KLB: variants seen among roughly 807,000 people sequenced by gnomAD.
KLB encodes beta-klotho.
A neutral mutation model predicts 88.4 loss-of-function variants in KLB; 44 were observed. The observed-to-expected ratio is 0.50, with a 90% CI of 0.39 to 0.64. The LOEUF (loss-of-function observed/expected upper bound fraction) is 0.64. KLB is among the 30% of genes least tolerant of loss of function. The pLI is 0.00. For missense variants in KLB, 1,137 were observed against 1,304.8 expected (o/e 0.87, Z 1.98); for synonymous variants, 548 against 513.4 (o/e 1.07, Z -0.91).
chr4:39,445,983 G>T (rs1457314431), intron 3 of KLB, among the ~76,000 whole-genome samples: 1 of 122,658 alleles, frequency 8.2e-6, no homozygotes, highest in Non-Finnish European at 1.9e-5. Flanking sequence ...TCAATTTATG[G>T]CAGGGTTTAG....
Position 39,448,447 on chromosome 4 carries a change from G to C in KLB, c.2896G>C (p.Gly966Arg). ...QFYNKVISSR[G>R]FPFENSSSRC... The stretch of plus-strand genomic sequence containing the variant: ...TTACAACAAAGTGATCAGCAGCAGG[G>C]GCTTCCCTTTTGAGAACAGTAGTTC... The change falls in exon 5 of 5, where the codon GGC (glycine) becomes CGC (arginine). Residue 966 changes from glycine (G) to arginine (R), a missense_variant. Gly to Arg is a moderately radical substitution (Grantham distance 125). Around this residue, in one of 4 missense-constraint regions of KLB, gnomAD observed 426 missense variants for 404.6 expected, o/e 1.05. Transcript: ENST00000257408. 1.9e-6 allele frequency: 3 copies of C among 1,614,076 alleles called. No homozygotes were observed. The highest frequency in any genetic ancestry group is 2.5e-6 in the Non-Finnish European group (3 of 1,180,018).
chr4:39,419,709 G>A (rs1743036793), intron 1 of KLB, among the ~76,000 whole-genome samples: 1 of 151,446 alleles, frequency 6.6e-6, no homozygotes, highest in African/African-American at 2.4e-5. Flanking sequence ...CCAGAAGGCG[G>A]AGGTTGCAGT....
In KLB at chr4:39,446,159, A is replaced by G. The variant is rs2608824; in HGVS notation, c.1606-173A>G. On this transcript the variant is annotated intron_variant, in intron 3 of 4. Coordinates refer to ENST00000257408, the MANE Select transcript of KLB (RefSeq NM_175737.4). The surrounding 1 kb of genome is among the most constrained non-coding windows in gnomAD (Gnocchi z 6.4). ...CAAACAACTTGTTTTCCAAGCCAGG[A>G]CCTGGGTGTGGCTCCTTCTCTGTTT... Among the ~76,000 whole-genome samples the G allele has an allele frequency of 0.66, 100,877 of 152,014 alleles. 33,889 individuals carry two copies. Among genetic ancestry groups the G allele is most frequent in the South Asian group, 0.77 (3,703 of 4,824 alleles).
chr4:39,451,191 T>G lies in KLB; in HGVS notation c.*2505T>G. 1 of 152,234 alleles carries G rather than the reference T, an allele frequency of 6.6e-6. No individual in the cohort carries two copies. The highest frequency in any genetic ancestry group is 1.9e-4 in the East Asian group (1 of 5,204). 9.4% of individuals were successfully genotyped at this position (152,234 alleles called of 1,614,324 possible). On this transcript the variant is annotated 3_prime_UTR_variant, in exon 5 of 5. Coordinates refer to ENST00000257408, the MANE Select transcript of KLB (RefSeq NM_175737.4). The stretch of plus-strand genomic sequence containing the variant: ...CTTAAATTTTTTAACCACTGGCAAA[T>G]ATGTACAGCAAATTAGGTTAAGCAT...
chr4:39,448,902 C>T lies in KLB; in HGVS notation c.*216C>T. On this transcript the variant is annotated 3_prime_UTR_variant, in exon 5 of 5. Transcript: ENST00000257408. ...TGGATGTAAACATAAAGGCTTCATC[C>T]TGACAGTAAGCTATGAGGATTACAT... 1.9e-6 allele frequency: 1 copy of T among 524,924 alleles called. No individual in the cohort carries two copies. The highest frequency in any genetic ancestry group is 2.9e-5 in the South Asian group (1 of 34,234). The allele number at this position is 524,924 out of a possible 1,614,324, so 32.5% of individuals were successfully genotyped here.
Position 39,445,193 on chromosome 4 carries a change from G to A in KLB, c.1606-1139G>A, listed in dbSNP as rs184566972. On this transcript the variant is annotated intron_variant, in intron 3 of 4. Coordinates refer to ENST00000257408, the MANE Select transcript of KLB (RefSeq NM_175737.4). Reference sequence around the variant, plus strand: ...AGAGTTCCCAGAGCACCTTCCCAGAGTCACTGAGTCCTCACAGCACACCTG... The same window carrying A: ...AGAGTTCCCAGAGCACCTTCCCAGAATCACTGAGTCCTCACAGCACACCTG... 2.6e-3 allele frequency among the ~76,000 whole-genome samples: 403 copies of A among 152,252 alleles called. 2 individuals carry two copies. Among genetic ancestry groups the A allele is most frequent in the Admixed American group, 6.9e-3 (106 of 15,298 alleles).
intron 1 of KLB, among the ~76,000 whole-genome samples, chr4:39,419,969 T>A (rs1743046336): frequency 1.4e-5 from 2 of 147,714 alleles, no homozygotes; most frequent in Admixed American, 6.7e-5. Context: ...AAAAAGGCTA[T>A]TTTAAAAAGA....
At chr4:39,422,158 G>T (rs1213965522) in intron 1 of KLB, among the ~76,000 whole-genome samples, 1 of 152,198 alleles carries the variant, frequency 6.6e-6, no homozygotes, top group East Asian at 1.9e-4. Context: ...TCGGGTCTAC[G>T]GTGTAAAAGT....
At chr4:39,407,800 T>C (rs1180281115) in intron 1 of KLB, 26 bp downstream of exon 1, 1 of 1,303,384 alleles carries the variant, frequency 7.7e-7, no homozygotes, top group South Asian at 1.9e-5. Context: ...CTTCTTCTTA[T>C]AGCTTCAGAA....
chr4:39,447,147 C>T lies in KLB; in HGVS notation c.2421C>T (p.Thr807=). 1.9e-6 allele frequency: 3 copies of T among 1,613,712 alleles called. No homozygotes were observed. Among genetic ancestry groups the T allele is most frequent in the Non-Finnish European group, 1.7e-6 (2 of 1,180,034 alleles). The change falls in exon 4 of 5, where the codon ACC becomes ACT. Residue 807 remains threonine (T), a synonymous_variant. Transcript: ENST00000257408. The stretch of plus-strand genomic sequence containing the variant: ...CCAGCTCGGCCCTGCCGCGCCTCAC[C>T]GAGGCCGAAAGGAGGCTGCTCAAGG... ...GLSSSALPRL[T]EAERRLLKGT...
chr4:39,417,987 T>C (rs186154913), intron 1 of KLB, among the ~76,000 whole-genome samples: 80 of 152,338 alleles, frequency 5.3e-4, no homozygotes, highest in African/African-American at 1.8e-3. Context: ...AAAAAAAATT[T>C]ACAGCTTCAA....
At chr4:39,410,461 AAAT>A (rs1277758285) in intron 1 of KLB, among the ~76,000 whole-genome samples, 1 of 152,196 alleles carries the variant, frequency 6.6e-6, no homozygotes, top group Non-Finnish European at 1.5e-5. Flanking sequence ...TCACTAGACT[AAAT>A]AAATGGTGTG....
intron 3 of KLB, among the ~76,000 whole-genome samples, chr4:39,445,478 T>A (rs1361611948): frequency 7.3e-5 from 11 of 151,514 alleles, no homozygotes; most frequent in Admixed American, 7.2e-4. Flanking sequence ...TGGATGCAAA[T>A]GTGTTATCAC....
intron 1 of KLB, among the ~76,000 whole-genome samples, chr4:39,417,231 G>T (rs181262392): frequency 7.2e-5 from 11 of 151,878 alleles, no homozygotes; most frequent in Admixed American, 6.6e-4. Flanking sequence ...AAAGAAAGAG[G>T]GTTAAAACAA....
rs1195208365 is a variant in KLB at position 39,407,775 on chromosome 4, G to T, written c.825+1G>T. 6.5e-7 allele frequency: 1 copy of T among 1,534,178 alleles called. No homozygotes were observed. ...CACTGTGGGACACAACTTGATCAAG[G>T]TACTGTACAGCTAGCTTCTTCTTAT... On this transcript the variant is annotated splice_donor_variant, in intron 1 of 4. Coordinates refer to ENST00000257408, the MANE Select transcript of KLB (RefSeq NM_175737.4). LOFTEE classifies it high-confidence loss of function.
At chr4:39,426,601 A>C (rs1276100706) in intron 1 of KLB, among the ~76,000 whole-genome samples, 5 of 152,066 alleles carry the variant, frequency 3.3e-5, no homozygotes, top group African/African-American at 1.2e-4. Context: ...AAAAATAGTC[A>C]CATAATATAA....
chr4:39,408,308 A>G (rs1742770637), intron 1 of KLB, among the ~76,000 whole-genome samples: 1 of 152,210 alleles, frequency 6.6e-6, no homozygotes, highest in Non-Finnish European at 1.5e-5. Flanking sequence ...ATAGCAAAAA[A>G]GAGAAGATTA....
At chr4:39,419,939 C>G (rs371158317) in intron 1 of KLB, among the ~76,000 whole-genome samples, 19 of 48,784 alleles carry the variant, frequency 3.9e-4, no homozygotes, top group African/African-American at 1.5e-3. Context: ...AACAAAACTT[C>G]ATCTCAAAAA....
At chr4:39,427,593 G>T (rs2687985) in intron 1 of KLB, among the ~76,000 whole-genome samples, 92,293 of 151,954 alleles carry the variant, frequency 0.61, 29,418 homozygotes, top group Admixed American at 0.71. Context: ...TAAAACTCAG[G>T]AAGCTGCAAA....
Sources: gnomAD v4.1 joint callset for allele counts (sites outside exome capture counted in the v4.1 genomes callset) on GRCh38, gnomAD v4.1.1 for gene constraint, gnomAD v4.1.1 regional missense constraint, Gnocchi (gnomAD v3.1) non-coding constraint, MANE v1.5 for transcripts, NCBI Gene and HGNC (gene_info 2026-07-23, HGNC 2026-07-21) for gene names.